The following JADE3 variants were observed in gnomAD, a reference collection of about 807,000 sequenced individuals.
The protein encoded by JADE3 is jade family PHD finger 3.
A neutral mutation model predicts 50.1 loss-of-function variants in JADE3; 2 were observed. That is an observed-to-expected ratio of 0.04 (90% confidence interval 0.02 to 0.13). The LOEUF is 0.13. Among genes scored for constraint, JADE3 ranks in the 10% least tolerant of loss-of-function variants. The probability of loss-of-function intolerance (pLI) is 1.00; values close to 1 mark genes in which losing one functional copy is unlikely to be tolerated. For synonymous variants in JADE3, 218 were observed against 232.9 expected (o/e 0.94, Z 0.58); for missense variants, 475 against 634.4 (o/e 0.75, Z 2.70).
intron 1 of JADE3, among the ~76,000 whole-genome samples, chrX:46,931,681 C>A (rs1926498236): frequency 9.0e-6 from 1 of 111,482 alleles, no homozygotes; most frequent in Admixed American, 9.6e-5. Flanking sequence ...GCCTCGGCCT[C>A]CCAAAGTGCT....
intron 1 of JADE3, among the ~76,000 whole-genome samples, chrX:46,942,349 A>G (rs782571973): frequency 8.9e-6 from 1 of 112,235 alleles, no homozygotes; most frequent in Non-Finnish European, 1.9e-5. Context: ...TTGAGGTCTT[A>G]CATTTAAATC....
chrX:47,050,334 C>G (rs1453217649), intron 8 of JADE3, among the ~76,000 whole-genome samples: 1 of 111,874 alleles, frequency 8.9e-6, no homozygotes, highest in Admixed American at 9.5e-5. Context: ...ATAGTCAAAT[C>G]AGGATATTTA....
At chrX:46,927,354 G>A (rs1360147996) in intron 1 of JADE3, among the ~76,000 whole-genome samples, 1 of 112,129 alleles carries the variant, frequency 8.9e-6, no homozygotes, top group African/African-American at 3.2e-5. Context: ...GAGAAATTAA[G>A]TAATCTATAA....
intron 1 of JADE3, among the ~76,000 whole-genome samples, chrX:46,979,507 A>G (rs1556352399): frequency 8.9e-6 from 1 of 111,957 alleles, no homozygotes; most frequent in East Asian, 2.8e-4. Flanking sequence ...TGATCCCATC[A>G]TGAGTCATCC....
chrX:46,938,902 A>G (rs1926691983), intron 1 of JADE3, among the ~76,000 whole-genome samples: 1 of 112,047 alleles, frequency 8.9e-6, no homozygotes, highest in Non-Finnish European at 1.9e-5. Context: ...ATCTCAGCTC[A>G]CTGCAACCTC....
At chrX:46,935,616 G>C (rs1556340785) in intron 1 of JADE3, among the ~76,000 whole-genome samples, 1 of 110,220 alleles carries the variant, frequency 9.1e-6, no homozygotes, top group Non-Finnish European at 1.9e-5. Context: ...CACTCCTTAT[G>C]AGAATCTAAT....
Position 46,994,621 on chromosome X carries a change from T to C in JADE3, c.127-3499T>C, listed in dbSNP as rs1248783701. ...GCCTTTGGAACGTTAGTTAAAGTTC[T>C]TGATGGGGCTCTTGCTTGGGAACTG... On this transcript the variant is annotated intron_variant, in intron 3 of 10. Coordinates refer to ENST00000614628, the MANE Select transcript of JADE3 (RefSeq NM_014735.5). Among the ~76,000 whole-genome samples, 4 of 111,919 alleles carry C rather than the reference T, an allele frequency of 3.6e-5. No individual in the cohort carries two copies. In the Admixed American group the frequency reaches 3.8e-4, roughly 11 times the overall value.
intron 5 of JADE3, among the ~76,000 whole-genome samples, chrX:47,027,399 T>C (rs1029289165): frequency 1.8e-5 from 2 of 112,436 alleles, no homozygotes; most frequent in Admixed American, 1.9e-4. Flanking sequence ...AATTTTCTTT[T>C]ATGGGCTTCA....
At chrX:46,948,325 G>A (rs1426913090) in intron 1 of JADE3, among the ~76,000 whole-genome samples, 2 of 112,413 alleles carry the variant, frequency 1.8e-5, no homozygotes, top group Admixed American at 1.9e-4. Context: ...CTGGAATTAT[G>A]TGGATAAATA....
chrX:46,934,085 A>T (rs1294421817), intron 1 of JADE3, among the ~76,000 whole-genome samples: 2 of 111,695 alleles, frequency 1.8e-5, no homozygotes, highest in Admixed American at 1.9e-4. Flanking sequence ...TATTTTTTGT[A>T]TGTAACTTGG....
intron 4 of JADE3, among the ~76,000 whole-genome samples, chrX:47,007,034 G>A (rs976332294): frequency 9.2e-6 from 1 of 109,124 alleles, no homozygotes; most frequent in African/African-American, 3.3e-5. Context: ...GAACTCCTGG[G>A]CTCAAGCAAT....
chrX:46,946,931 G>A (rs1001166674), intron 1 of JADE3, among the ~76,000 whole-genome samples: 1 of 112,437 alleles, frequency 8.9e-6, no homozygotes, highest in South Asian at 3.7e-4. Context: ...CCCAAGTGTG[G>A]ACTTGGACCA....
In JADE3 at chrX:47,035,444, C is replaced by T. The variant is rs782326670; in HGVS notation, c.855+1656C>T. Among the ~76,000 whole-genome samples, 27 of 112,034 alleles carry T rather than the reference C, an allele frequency of 2.4e-4. No homozygotes were observed. The East Asian group carries it at 6.1e-3, about 25-fold the overall frequency. ...CTTTTTCTCACTAAGAACATCTAGA[C>T]ATAAAATAAACTCAGGTTTCTGGCT... On this transcript the variant is annotated intron_variant, in intron 7 of 10. Coordinates refer to ENST00000614628, the MANE Select transcript of JADE3 (RefSeq NM_014735.5).
chrX:46,932,968 G>A (rs946778074), intron 1 of JADE3, among the ~76,000 whole-genome samples: 1 of 111,745 alleles, frequency 8.9e-6, no homozygotes, highest in Non-Finnish European at 1.9e-5. Context: ...CCTAGTAATG[G>A]CCATAAAATA....
chrX:47,044,130 A>G (rs1556370252), intron 8 of JADE3, among the ~76,000 whole-genome samples: 1 of 111,754 alleles, frequency 8.9e-6, no homozygotes, highest in Non-Finnish European at 1.9e-5. Context: ...AATAACAGAG[A>G]ACTTCCCAAA....
At chrX:47,023,155 G>A (rs1348392247) in intron 4 of JADE3, among the ~76,000 whole-genome samples, 1 of 111,249 alleles carries the variant, frequency 9.0e-6, no homozygotes, top group African/African-American at 3.3e-5. Context: ...TGTGCAGGAT[G>A]TATAGGTTTG....
intron 1 of JADE3, among the ~76,000 whole-genome samples, chrX:46,975,980 G>A (rs916970369): frequency 1.8e-5 from 2 of 109,967 alleles, no homozygotes; most frequent in African/African-American, 6.6e-5. Context: ...TGCCCACCTC[G>A]ACCTTCCAAA....
At chrX:46,965,970 A>G (rs1378789538) in intron 1 of JADE3, among the ~76,000 whole-genome samples, 1 of 112,426 alleles carries the variant, frequency 8.9e-6, no homozygotes, top group Non-Finnish European at 1.9e-5. Flanking sequence ...CAACAAGATT[A>G]GGACTTTTAA....
In JADE3 at chrX:47,058,950, G is replaced by A. The variant is rs1556374245; in HGVS notation, c.2345G>A (p.Gly782Glu). Reference sequence around the variant, plus strand: ...AGTGATTCAGAGGCAGAAAGTGATGGGAATAAAGAAAAAGTCAGGGTAAGG... The same window carrying A: ...AGTGATTCAGAGGCAGAAAGTGATGAGAATAAAGAAAAAGTCAGGGTAAGG... ...ELSDSEAESDGNKEKVRVRKD... is the reference protein window; with the variant it reads ...ELSDSEAESDENKEKVRVRKD... Residue 782 changes from glycine (G) to glutamate (E), a missense_variant, in exon 11 of 11, where the codon GGG (glycine) becomes GAG (glutamate). Gly to Glu is a moderately conservative substitution (Grantham distance 98). This residue lies in a region of JADE3 where 243 missense variants were observed against 238.2 expected (regional missense o/e 1.02). Transcript: ENST00000614628. The A allele has an allele frequency of 8.3e-7, 1 of 1,210,784 alleles. No homozygotes were observed. The highest frequency in any genetic ancestry group is 1.7e-5 in the African/African-American group (1 of 57,666).
Sources: allele counts gnomAD v4.1 joint callset (sites outside exome capture counted in the v4.1 genomes callset), GRCh38; gene constraint gnomAD v4.1.1; regional missense constraint gnomAD v4.1.1; transcripts MANE v1.5; gene names NCBI Gene and HGNC (gene_info 2026-07-23, HGNC 2026-07-21).